CCDC154: variants seen among roughly 807,000 people sequenced by gnomAD.
The protein encoded by CCDC154 is coiled-coil domain containing 154.
In CCDC154, 91 loss-of-function variants were observed where a neutral mutation model predicts 87.5. The ratio of observed to expected loss-of-function variants is 1.04; its 90% CI spans 0.88 to 1.24. The LOEUF is 1.24. Ranked by LOEUF, CCDC154 falls within the 50% of genes most tolerant of loss-of-function variation. The pLI is 0.00. For synonymous variants in CCDC154, 418 were observed against 400.4 expected, an observed-to-expected ratio of 1.04 and a Z score of -0.52; for missense variants, 903 against 879.2, an observed-to-expected ratio of 1.03 and a Z score of -0.34.
Position 1,435,432 on chromosome 16 carries a change from T to G in CCDC154, c.1606-257A>C, listed in dbSNP as rs2038492343. 10 of 554,032 alleles carry G rather than the reference T, an allele frequency of 1.8e-5. No individual in the cohort carries two copies. In the East Asian group the frequency reaches 3.1e-4, roughly 17 times the overall value. 34.3% of individuals were successfully genotyped at this position (554,032 alleles called of 1,614,324 possible). Reference sequence around the variant, plus strand: ...CGTGGCTGCGGACGGCACCCCGGTGTGGGGGCTCCAGGCAGGTGCCTCCAC... The same window carrying G: ...CGTGGCTGCGGACGGCACCCCGGTGGGGGGGCTCCAGGCAGGTGCCTCCAC... On this transcript the variant is annotated intron_variant, in intron 14 of 16. Transcript: ENST00000389176.
rs562085882 is a variant in CCDC154, at chr16:1,443,839, G to C, written c.181C>G (p.Pro61Ala). ...CAGTGCTTGGCGGTGTCCTGCTCGGGGACAGAGGCCGTGGATGTCGGATGG... is the reference window on the plus strand; with the variant it reads ...CAGTGCTTGGCGGTGTCCTGCTCGGCGACAGAGGCCGTGGATGTCGGATGG... ...SSHPTSTASV[P>A]EQDTAKHWNQ... The change falls in exon 2 of 17, where the codon CCC becomes GCC. Residue 61 changes from proline (P) to alanine (A), a missense_variant. Pro to Ala is a conservative substitution (Grantham distance 27). Transcript: ENST00000389176. The C allele has an allele frequency of 7.7e-7, 1 of 1,304,460 alleles. No homozygotes were observed. The allele number at this position is 1,304,460 out of a possible 1,614,324, so 80.8% of individuals were successfully genotyped here.
intron 5 of CCDC154, 21 bp from the exon 6 acceptor site, chr16:1,442,550 C>A: frequency 6.6e-7 from 1 of 1,511,574 alleles, no homozygotes; most frequent in Non-Finnish European, 8.9e-7. Context: ...CGGCTGTGGT[C>A]ACACCAGCCC....
At chr16:1,439,884 G>A (rs1438445517) in intron 6 of CCDC154, among the ~76,000 whole-genome samples, 1 of 152,086 alleles carries the variant, frequency 6.6e-6, no homozygotes, top group Non-Finnish European at 1.5e-5. Flanking sequence ...GCAGTGACTG[G>A]CGCAATGACT....
At position 1,444,020 on chromosome 16, in the gene CCDC154, G is replaced by A. The variant is rs776538294; in HGVS notation, c.8-8C>T. ...GTCCACTGTCAGCCAACTCTACAAG[G>A]AGGCATCTTGGGAGCTTGCCCCTTG... On this transcript the variant is annotated splice_polypyrimidine_tract_variant and splice_region_variant and intron_variant, in intron 1 of 16. Coordinates refer to ENST00000389176, the MANE Select transcript of CCDC154 (RefSeq NM_001143980.3). 7.7e-7 allele frequency: 1 copy of A among 1,297,340 alleles called. No individual in the cohort carries two copies. The highest frequency in any genetic ancestry group is 2.3e-5 in the Admixed American group (1 of 43,560). The allele number at this position is 1,297,340 out of a possible 1,614,324, so 80.4% of individuals were successfully genotyped here. A position where few individuals can be genotyped will look rare whatever the true frequency, so the allele number is the denominator to read the frequency against.
rs1400211383 is a variant in CCDC154 at position 1,444,384 on chromosome 16, G to A, written c.-62C>T. ...GTAGCTTGGGCCTTGGGGCCTCTGA[G>A]GTTGCCCAGAGCTGGGCACAGGCCA... On this transcript the variant is annotated 5_prime_UTR_variant, in exon 1 of 17. Coordinates refer to ENST00000389176, the MANE Select transcript of CCDC154 (RefSeq NM_001143980.3). 4 of 1,291,150 alleles carry A rather than the reference G, an allele frequency of 3.1e-6. No homozygotes were observed. Among genetic ancestry groups the A allele is most frequent in the African/African-American group, 3.0e-5 (2 of 65,670 alleles). 80.0% of individuals were successfully genotyped at this position (1,291,150 alleles called of 1,614,324 possible).
rs576194066 is a variant in CCDC154, at chr16:1,443,645, C to T, written c.275G>A (p.Arg92His). ...EVACLREHKQRCERATRSLLR... is the reference protein window; with the variant it reads ...EVACLREHKQHCERATRSLLR... Reference sequence around the variant, plus strand: ...CAGGCTCCGCGTGGCGCGCTCACAGCGCTGCTTGTGCTCCCGCAGGCAGGC... The same window carrying T: ...CAGGCTCCGCGTGGCGCGCTCACAGTGCTGCTTGTGCTCCCGCAGGCAGGC... The change falls in exon 3 of 17, where the codon CGC becomes CAC. Residue 92 changes from arginine (R) to histidine (H), a missense_variant. Arg to His is a conservative substitution (Grantham distance 29). Transcript: ENST00000389176. 142 of 1,345,084 alleles carry T rather than the reference C, an allele frequency of 1.1e-4. No individual in the cohort carries two copies. The Admixed American group carries it at 3.2e-3, about 30-fold the overall frequency. The allele number at this position is 1,345,084 out of a possible 1,614,324, so 83.3% of individuals were successfully genotyped here.
rs375820770 is a variant in CCDC154, at chr16:1,435,115, G to A, written c.1666C>T (p.Leu556Phe). The change falls in exon 15 of 17, where the codon CTC (leucine) becomes TTC (phenylalanine). Residue 556 changes from leucine to phenylalanine, a missense_variant. Physicochemically the swap from Leu to Phe is conservative, Grantham distance 22 (BLOSUM62 0). Coordinates refer to ENST00000389176, the MANE Select transcript of CCDC154 (RefSeq NM_001143980.3). Reference sequence around the variant, plus strand: ...AGCCGGGCCTCAGTGTTGAACCTGAGGTTCTGGATGGTCTTGTTGGCCTGG... The same window carrying A: ...AGCCGGGCCTCAGTGTTGAACCTGAAGTTCTGGATGGTCTTGTTGGCCTGG... ...CVQANKTIQN[L>F]RFNTEARLRT... 1.7e-5 allele frequency: 26 copies of A among 1,550,146 alleles called. No homozygotes were observed. The African/African-American group carries it at 3.3e-4, about 20-fold the overall frequency.
intron 11 of CCDC154, 144 bp from the exon 12 acceptor site, chr16:1,436,955 G>C: frequency 8.3e-7 from 1 of 1,204,044 alleles, no homozygotes; most frequent in Non-Finnish European, 1.1e-6. Context: ...CCTGCAGGCG[G>C]CTGGGATGGC....
chr16:1,439,865 C>G (rs765181654), intron 6 of CCDC154, among the ~76,000 whole-genome samples: 1 of 152,150 alleles, frequency 6.6e-6, no homozygotes, highest in Non-Finnish European at 1.5e-5. Flanking sequence ...ACTTTATTTA[C>G]AAAAACAAGC....
At position 1,436,725 on chromosome 16, in the gene CCDC154, C is replaced by G. The variant is rs906423935; in HGVS notation, c.1377G>C (p.Gly459=). The change falls in exon 12 of 17, where the codon GGG becomes GGC. Residue 459 remains glycine, a synonymous_variant. Transcript: ENST00000389176. ...GGAGGCCATCCACCTTCTCCCGCACCCCTCGCAGGTGTTCGGTCACCTCCT... is the reference window on the plus strand; with the variant it reads ...GGAGGCCATCCACCTTCTCCCGCACGCCTCGCAGGTGTTCGGTCACCTCCT... ...WRKEVTEHLR[G]VREKVDGLPQ... The G allele has an allele frequency of 6.5e-7, 1 of 1,550,384 alleles. No homozygotes were observed.
intron 11 of CCDC154, chr16:1,437,359 G>A: frequency 5.4e-6 from 1 of 184,450 alleles, no homozygotes; most frequent in Admixed American, 5.5e-5. Context: ...GGGGAAGTGG[G>A]GATGGGAATG....
chr16:1,444,142 A>G (rs2038587854), intron 1 of CCDC154, 130 bp from the exon 2 acceptor site: 2 of 1,006,492 alleles, frequency 2.0e-6, no homozygotes, highest in East Asian at 6.0e-5. Context: ...CTTGGGTCAC[A>G]CAGGATCCAG....
At position 1,438,881 on chromosome 16, in the gene CCDC154, C is replaced by T; in HGVS notation, c.840G>A (p.Glu280=). The change falls in exon 8 of 17, where the codon GAG becomes GAA. Residue 280 remains glutamate, a synonymous_variant. Transcript: ENST00000389176. ...GCCCCCGAAGCTTCTCCCACCGGCTCTCCAGCTCGCCCCGCAGGCTGCCCT... is the reference window on the plus strand; with the variant it reads ...GCCCCCGAAGCTTCTCCCACCGGCTTTCCAGCTCGCCCCGCAGGCTGCCCT... The part of the protein sequence containing the change: ...KLEGSLRGEL[E]SRWEKLRGLM... The T allele has an allele frequency of 6.5e-7, 1 of 1,549,550 alleles. No homozygotes were observed. Among genetic ancestry groups the T allele is most frequent in the Non-Finnish European group, 8.7e-7 (1 of 1,146,730 alleles).
At position 1,435,305 on chromosome 16, in the gene CCDC154, C is replaced by T. The variant is rs984400724; in HGVS notation, c.1606-130G>A. The stretch of plus-strand genomic sequence containing the variant: ...GGGGCCACCTGCTGAAATGCTGGTC[C>T]TCGTCCCCACTGCAGGGCCCAGGAC... On this transcript the variant is annotated intron_variant, in intron 14 of 16. Coordinates refer to ENST00000389176, the MANE Select transcript of CCDC154 (RefSeq NM_001143980.3). The T allele has an allele frequency of 2.1e-5, 16 of 770,198 alleles. No homozygotes were observed. In the African/African-American group the frequency reaches 2.4e-4, roughly 12 times the overall value. The allele number at this position is 770,198 out of a possible 1,614,324, so 47.7% of individuals were successfully genotyped here. A position where few individuals can be genotyped will look rare whatever the true frequency, so the allele number is the denominator to read the frequency against.
At chr16:1,444,208 G>T in intron 1 of CCDC154, 108 bp downstream of exon 1, 2 of 1,186,008 alleles carry the variant, frequency 1.7e-6, no homozygotes. Context: ...AGCACTGGGC[G>T]GCAGGAACAA....
intron 6 of CCDC154, among the ~76,000 whole-genome samples, chr16:1,442,083 G>A (rs9921090): frequency 0.57 from 86,022 of 151,596 alleles, 25,530 homozygotes; most frequent in African/African-American, 0.73. Flanking sequence ...CACCTGGCTA[G>A]TTTTTTGTAT....
intron 14 of CCDC154, among the ~76,000 whole-genome samples, chr16:1,435,514 TTTTG>T (rs1005727520): frequency 2.0e-5 from 3 of 151,992 alleles, no homozygotes; most frequent in African/African-American, 7.3e-5. Context: ...CTGTTTTTGT[TTTTG>T]TTTTTGTTTT....
chr16:1,436,893 G>C lies in CCDC154; in HGVS notation c.1291-82C>G, dbSNP rs575056533. Reference sequence around the variant, plus strand: ...GAAAGACGGACACGGGGAGCTCTGGGGAGCAGGCGGCCCCCACCCCCACTT... The same window carrying C: ...GAAAGACGGACACGGGGAGCTCTGGCGAGCAGGCGGCCCCCACCCCCACTT... On this transcript the variant is annotated intron_variant, in intron 11 of 16. Coordinates refer to ENST00000389176, the MANE Select transcript of CCDC154 (RefSeq NM_001143980.3). 3.3e-6 allele frequency: 5 copies of C among 1,515,444 alleles called. No homozygotes were observed. In the African/African-American group the frequency reaches 6.9e-5, roughly 21 times the overall value. The allele number at this position is 1,515,444 out of a possible 1,614,324, so 93.9% of individuals were successfully genotyped here.
rs755449631 is a variant in CCDC154, at chr16:1,434,718, C to T, written c.1827G>A (p.Ala609=). ...AGTTCATGGGCACCACCTTGCCAGG[C>T]GCCATGTCCTTGATGAAGACCCGCG... ...VRPRVFIKDM[A]PGKVVPMNCW... Residue 609 remains alanine, a synonymous_variant, in exon 16 of 17, where the codon GCG becomes GCA. Coordinates refer to ENST00000389176, the MANE Select transcript of CCDC154 (RefSeq NM_001143980.3). 57 of 1,546,894 alleles carry T rather than the reference C, an allele frequency of 3.7e-5. No individual in the cohort carries two copies. The highest frequency in any genetic ancestry group is 2.5e-4 in the South Asian group (21 of 84,060).
Sources: gnomAD v4.1 joint callset for allele counts (sites outside exome capture counted in the v4.1 genomes callset) on GRCh38, gnomAD v4.1.1 for gene constraint, MANE v1.5 for transcripts, NCBI Gene and HGNC (gene_info 2026-07-23, HGNC 2026-07-21) for gene names.